Variants in ZNF474 observed in about 807,000 individuals in gnomAD.
ZNF474 encodes zinc finger protein 474, also known as 4933409D10Rik.
For synonymous variants in ZNF474, 192 were observed against 162.2 expected (o/e 1.18, Z -1.39); for missense variants, 511 against 433.8 (o/e 1.18, Z -1.58).
In ZNF474 at chr5:122,152,591, A is replaced by C. The variant is rs765231359; in HGVS notation, c.601A>C (p.Ser201Arg). The C allele has an allele frequency of 1.2e-6, 2 of 1,614,180 alleles. No homozygotes were observed. Among genetic ancestry groups the C allele is most frequent in the South Asian group, 2.2e-5 (2 of 91,088 alleles). Reference sequence around the variant, plus strand: ...GGGTCCCAGAGCACCACACTCAAACAGTTCTGATCATCTTACTGGCCTCAA... The same window carrying C: ...GGGTCCCAGAGCACCACACTCAAACCGTTCTGATCATCTTACTGGCCTCAA... Reference protein sequence around the residue: ...GEGPRAPHSNSSDHLTGLKKA... With the variant: ...GEGPRAPHSNRSDHLTGLKKA... The change falls in exon 2 of 2, where the codon AGT becomes CGT. Residue 201 changes from serine to arginine, a missense_variant. Ser to Arg is a moderately radical substitution (Grantham distance 110). Transcript: ENST00000296600.
chr5:122,136,109 T>A (rs1755693479), intron 1 of ZNF474, among the ~76,000 whole-genome samples: 1 of 152,106 alleles, frequency 6.6e-6, no homozygotes, highest in Non-Finnish European at 1.5e-5. Flanking sequence ...AATAAGCTAC[T>A]GTAAGTATTT....
intron 1 of ZNF474, among the ~76,000 whole-genome samples, chr5:122,149,660 T>G (rs957935083): frequency 6.6e-6 from 1 of 152,254 alleles, no homozygotes; most frequent in African/African-American, 2.4e-5. Flanking sequence ...TTGTCTTTTC[T>G]GAGTCAGTTT....
At chr5:122,131,288 G>C (rs1293669938) in intron 1 of ZNF474, among the ~76,000 whole-genome samples, 1 of 152,032 alleles carries the variant, frequency 6.6e-6, no homozygotes, top group African/African-American at 2.4e-5. Flanking sequence ...ACTACCATCT[G>C]ATCTAGCAAT....
chr5:122,135,298 C>T (rs1580597096), intron 1 of ZNF474, among the ~76,000 whole-genome samples: 1 of 152,042 alleles, frequency 6.6e-6, no homozygotes, highest in South Asian at 2.1e-4. Context: ...ATCAAGACTT[C>T]ATCTCAAAAA....
intron 1 of ZNF474, among the ~76,000 whole-genome samples, chr5:122,148,902 G>C (rs1756064812): frequency 6.6e-6 from 1 of 151,782 alleles, no homozygotes; most frequent in Admixed American, 6.6e-5. Context: ...ACTAATTTTT[G>C]TATTTCTAGT....
rs114911542 is a variant in ZNF474, at chr5:122,152,736, T to A, written c.746T>A (p.Met249Lys). Residue 249 changes from methionine to lysine, a missense_variant, in exon 2 of 2, where the codon ATG becomes AAG. Met to Lys is a moderately conservative substitution (Grantham distance 95). Coordinates refer to ENST00000296600, the MANE Select transcript of ZNF474 (RefSeq NM_207317.3). ...HEPKCLEKWK[M>K]ENDRLPVELH... ...CCCAAATGCCTGGAAAAGTGGAAAA[T>A]GGAAAATGACCGGCTCCCTGTGGAG... 6.2e-7 allele frequency: 1 copy of A among 1,613,756 alleles called. No homozygotes were observed. The highest frequency in any genetic ancestry group is 8.5e-7 in the Non-Finnish European group (1 of 1,179,996).
intron 1 of ZNF474, among the ~76,000 whole-genome samples, chr5:122,140,075 A>G (rs1185971227): frequency 6.6e-6 from 1 of 152,224 alleles, no homozygotes; most frequent in Non-Finnish European, 1.5e-5. Flanking sequence ...GAAAACTCTC[A>G]CAGGTGAAGA....
In ZNF474 at chr5:122,151,784, G is replaced by A. The variant is rs554325584; in HGVS notation, c.-207G>A. On this transcript the variant is annotated 5_prime_UTR_variant, in exon 2 of 2. It introduces an in-frame stop codon into an upstream open reading frame of the 5' UTR. Transcript: ENST00000296600. ...TCTCCCACCCGCCTCCACAGATCTT[G>A]GAGACATCTCAGCTTTAATGAGGAC... is the stretch of plus-strand genomic sequence containing the variant. 7.4e-6 allele frequency: 4 copies of A among 539,892 alleles called. No homozygotes were observed. Among genetic ancestry groups the A allele is most frequent in the East Asian group, 3.2e-5 (1 of 31,460 alleles). 33.4% of individuals were successfully genotyped at this position (539,892 alleles called of 1,614,324 possible).
At chr5:122,134,139 C>T (rs538270180) in intron 1 of ZNF474, among the ~76,000 whole-genome samples, 17 of 152,040 alleles carry the variant, frequency 1.1e-4, no homozygotes, top group Non-Finnish European at 2.2e-4. Flanking sequence ...CTTACAAACA[C>T]GAAGAAACAA....
chr5:122,136,647 G>A (rs1475957080), intron 1 of ZNF474, among the ~76,000 whole-genome samples: 4 of 152,134 alleles, frequency 2.6e-5, no homozygotes, highest in Non-Finnish European at 5.9e-5. Context: ...GTATAGTTAT[G>A]CTTTTAAAGC....
At chr5:122,142,482 A>C (rs6881711) in intron 1 of ZNF474, among the ~76,000 whole-genome samples, 1 of 152,094 alleles carries the variant, frequency 6.6e-6, no homozygotes, top group Non-Finnish European at 1.5e-5. Flanking sequence ...ATTTAAACTA[A>C]AAGCTGAAGA....
chr5:122,149,765 A>C (rs1279362439), intron 1 of ZNF474, among the ~76,000 whole-genome samples: 1 of 152,214 alleles, frequency 6.6e-6, no homozygotes, highest in African/African-American at 2.4e-5. Context: ...CCTATCTGGC[A>C]TATAATTGGC....
At chr5:122,136,395 C>T (rs1337284666) in intron 1 of ZNF474, among the ~76,000 whole-genome samples, 1 of 151,958 alleles carries the variant, frequency 6.6e-6, no homozygotes, top group Non-Finnish European at 1.5e-5. Context: ...TATGAATAAA[C>T]TTAGCTCAGG....
chr5:122,141,300 A>AC (rs1755839307), intron 1 of ZNF474, among the ~76,000 whole-genome samples: 28 of 64,352 alleles, frequency 4.4e-4, no homozygotes, highest in African/African-American at 1.6e-3. Context: ...ACCCCTGGCT[A>AC]TTTTTTTTTT....
At chr5:122,148,013 A>T (rs1053507409) in intron 1 of ZNF474, 1 of 152,240 alleles carries the variant, frequency 6.6e-6, no homozygotes, top group East Asian at 1.9e-4. Context: ...TTGAGGTAAA[A>T]CTGTCTGGCT....
At chr5:122,146,120 G>A (rs570582902) in intron 1 of ZNF474, among the ~76,000 whole-genome samples, 3 of 152,270 alleles carry the variant, frequency 2.0e-5, no homozygotes, top group South Asian at 4.1e-4. Flanking sequence ...GGATTAAATG[G>A]CCTCTTGCTC....
intron 1 of ZNF474, among the ~76,000 whole-genome samples, chr5:122,138,265 A>G (rs907642189): frequency 2.6e-5 from 4 of 152,200 alleles, no homozygotes; most frequent in Non-Finnish European, 4.4e-5. Context: ...AACATGCTAA[A>G]TATTGTTTAG....
intron 1 of ZNF474, among the ~76,000 whole-genome samples, chr5:122,135,037 A>C (rs1302228821): frequency 6.6e-6 from 1 of 152,226 alleles, no homozygotes; most frequent in Non-Finnish European, 1.5e-5. Context: ...TGAGCAAAGA[A>C]AACAATCAAC....
chr5:122,139,980 C>G (rs951861720), intron 1 of ZNF474, among the ~76,000 whole-genome samples: 3 of 152,114 alleles, frequency 2.0e-5, no homozygotes, highest in Non-Finnish European at 4.4e-5. Context: ...GTTCCTGATG[C>G]CTATTATTGG....
Sources: gnomAD v4.1 joint callset for allele counts (sites outside exome capture counted in the v4.1 genomes callset) on GRCh38, gnomAD v4.1.1 for gene constraint, MANE v1.5 for transcripts, NCBI Gene and HGNC (gene_info 2026-07-23, HGNC 2026-07-21) for gene names.